Variants in CLDN14 observed in about 807,000 individuals in gnomAD.
The protein encoded by CLDN14 is claudin 14, also known as claudin-14.
In CLDN14, 2 loss-of-function variants were observed where a neutral mutation model predicts 2.1. That is an observed-to-expected ratio of 0.96 (90% CI 0.39 to 3.01). The LOEUF is 3.01. CLDN14 is among the 30% of genes most tolerant of loss of function. The probability of loss-of-function intolerance (pLI) is 0.09; values close to 1 mark genes in which losing one functional copy is unlikely to be tolerated. For synonymous variants in CLDN14, 136 were observed against 154.4 expected, an observed-to-expected ratio of 0.88 and a Z score of 0.88; for missense variants, 298 against 328.0, an observed-to-expected ratio of 0.91 and a Z score of 0.71.
intron 1 of CLDN14, chr21:36,477,507 G>T (rs1314580591): frequency 6.6e-6 from 1 of 152,200 alleles, no homozygotes; most frequent in Non-Finnish European, 1.5e-5. Flanking sequence ...CTAAATCTCA[G>T]TTTTTGTTTC....
At chr21:36,549,155 T>C (rs1224015041) in intron 1 of CLDN14, among the ~76,000 whole-genome samples, 1 of 152,122 alleles carries the variant, frequency 6.6e-6, no homozygotes, top group Non-Finnish European at 1.5e-5. Flanking sequence ...GTTTTTTTTT[T>C]TTTTTAACTT....
chr21:36,489,488 C>G (rs1039658028), intron 2 of CLDN14, among the ~76,000 whole-genome samples: 3 of 152,180 alleles, frequency 2.0e-5, no homozygotes, highest in African/African-American at 7.2e-5. Flanking sequence ...GCAGTGTCCT[C>G]TTCTCCAGGG....
chr21:36,514,645 G>C (rs866263251), intron 1 of CLDN14, among the ~76,000 whole-genome samples: 2 of 149,890 alleles, frequency 1.3e-5, no homozygotes, highest in Admixed American at 6.6e-5. Flanking sequence ...GTGTGTGTGT[G>C]TGTGTGTGTG....
At chr21:36,470,232 G>C (rs899382873) in intron 1 of CLDN14, among the ~76,000 whole-genome samples, 2 of 152,126 alleles carry the variant, frequency 1.3e-5, no homozygotes, top group African/African-American at 4.8e-5. Flanking sequence ...CAGTGCCTCA[G>C]AATGTGACCT....
chr21:36,525,961 G>A (rs1202569717), intron 1 of CLDN14, among the ~76,000 whole-genome samples: 6 of 152,266 alleles, frequency 3.9e-5, no homozygotes, highest in Non-Finnish European at 5.9e-5. Flanking sequence ...AGAGGGAAGC[G>A]GCACGATGAA....
chr21:36,533,832 G>T (rs1456783969), intron 1 of CLDN14, among the ~76,000 whole-genome samples: 2 of 152,286 alleles, frequency 1.3e-5, no homozygotes, highest in Admixed American at 6.5e-5. Flanking sequence ...ACACACTGGG[G>T]CCTACCTGGG....
rs34572529 is a variant in CLDN14, at chr21:36,525,390, G to GAA, written c.-219-14892_-219-14891dup. Among the ~76,000 whole-genome samples the GAA allele has an allele frequency of 2.7e-3, 395 of 147,068 alleles. 5 individuals carry two copies. The highest frequency in any genetic ancestry group is 8.4e-3 in the African/African-American group (337 of 39,960). ...GGTGAGTTTCAAGTCAAAGCTAAAT[G>GAA]AAAAAAAAAAGAAATAAAGACTTGA... On this transcript the variant is annotated intron_variant, in intron 1 of 2. Transcript: ENST00000342108.
At chr21:36,571,342 C>T (rs902201497) in intron 1 of CLDN14, among the ~76,000 whole-genome samples, 1 of 152,216 alleles carries the variant, frequency 6.6e-6, no homozygotes, top group Non-Finnish European at 1.5e-5. Context: ...GTGTGGTTAA[C>T]AGTATGTAAG....
chr21:36,511,643 G>T (rs57608004), intron 1 of CLDN14, among the ~76,000 whole-genome samples: 7,105 of 152,100 alleles, frequency 0.047, 559 homozygotes, highest in African/African-American at 0.16. Flanking sequence ...TGAGCCATGT[G>T]TTTCCTTTCT....
At chr21:36,496,436 CAAAAAAAA>C (rs60272055) in intron 2 of CLDN14, among the ~76,000 whole-genome samples, 6 of 95,490 alleles carry the variant, frequency 6.3e-5, no homozygotes, top group Admixed American at 3.5e-4. Context: ...GACCTTGTTT[CAAAAAAAA>C]AAAAAAAAAA....
intron 1 of CLDN14, among the ~76,000 whole-genome samples, chr21:36,543,394 C>T (rs560407824): frequency 2.4e-4 from 37 of 152,194 alleles, no homozygotes; most frequent in Non-Finnish European, 4.0e-4. Context: ...ACATAGTTCC[C>T]GTATGAAGAT....
intron 1 of CLDN14, among the ~76,000 whole-genome samples, chr21:36,522,546 C>T (rs1029724055): frequency 2.0e-5 from 3 of 152,218 alleles, no homozygotes; most frequent in African/African-American, 7.2e-5. Flanking sequence ...TCATGAACCC[C>T]ACACAACCCA....
rs75654954 is a variant in CLDN14 at position 36,544,028 on chromosome 21, G to A, written c.-220+32383C>T. Among the ~76,000 whole-genome samples the A allele has an allele frequency of 4.2e-3, 638 of 152,324 alleles. 8 individuals carry two copies. The highest frequency in any genetic ancestry group is 0.015 in the African/African-American group (609 of 41,570). On this transcript the variant is annotated intron_variant, in intron 1 of 2. Transcript: ENST00000342108. The surrounding 1 kb of genome is among the most constrained non-coding windows in gnomAD (Gnocchi z 4.1). ...GGAAGCCTGTGTCATGGATTCAACC[G>A]TCTGTGCTGAGCCGCACCTGCACTG...
rs915306140 is a variant in CLDN14, at chr21:36,461,316, A to G, written c.380T>C (p.Leu127Pro). The G allele has an allele frequency of 1.2e-6, 2 of 1,613,636 alleles. No individual in the cohort carries two copies. Among genetic ancestry groups the G allele is most frequent in the African/African-American group, 1.3e-5 (1 of 75,066 alleles). Residue 127 changes from leucine to proline, a missense_variant, in exon 2 of 2, where the codon CTG (leucine) becomes CCG (proline). Transcript: ENST00000399135. ...GGCCACCATGCACAGGAGGCCGGCCAGGATGAAGAGGGTGCCGCCGAGGAT... is the reference window on the plus strand; with the variant it reads ...GGCCACCATGCACAGGAGGCCGGCCGGGATGAAGAGGGTGCCGCCGAGGAT... ...FAILGGTLFI[L>P]AGLLCMVAVS...
At chr21:36,489,131 A>AAAAAAAAAAT in intron 2 of CLDN14, among the ~76,000 whole-genome samples, 25 of 62,746 alleles carry the variant, frequency 4.0e-4, no homozygotes, top group African/African-American at 7.6e-4. Flanking sequence ...AAAAAAAAAA[A>AAAAAAAAAAT]ATATATATAT....
rs749515217 is a variant in CLDN14, at chr21:36,461,153, A to G, written c.543T>C (p.Leu181=). ...GTGCCTCGTCCTGGCAGGACAGGCAAAGCAGGGTGCCACCAATGAGCGAGA... is the reference window on the plus strand; with the variant it reads ...GTGCCTCGTCCTGGCAGGACAGGCAGAGCAGGGTGCCACCAATGAGCGAGA... The part of the protein sequence containing the change: ...SSLSLIGGTL[L]CLSCQDEAPY... Residue 181 remains leucine, a synonymous_variant, in exon 2 of 2, where the codon CTT becomes CTC. Transcript: ENST00000399135. The G allele has an allele frequency of 6.2e-7, 1 of 1,613,828 alleles. No individual in the cohort carries two copies. The highest frequency in any genetic ancestry group is 1.7e-5 in the Admixed American group (1 of 60,026).
chr21:36,509,180 G>A lies in CLDN14; in HGVS notation c.-82+1183C>T, dbSNP rs546764036. On this transcript the variant is annotated intron_variant, in intron 2 of 2. Coordinates refer to the CLDN14 transcript ENST00000342108. ...TGCTAGGTTCTGACTCTCTTTGGTTGAGCAGGAGGCGGCCCTAGCGCCACA... is the reference window on the plus strand; with the variant it reads ...TGCTAGGTTCTGACTCTCTTTGGTTAAGCAGGAGGCGGCCCTAGCGCCACA... Among the ~76,000 whole-genome samples the A allele has an allele frequency of 5.3e-5, 8 of 152,366 alleles. No homozygotes were observed. The East Asian group carries it at 1.2e-3, about 22-fold the overall frequency.
intron 1 of CLDN14, among the ~76,000 whole-genome samples, chr21:36,558,190 G>T (rs538618307): frequency 6.6e-6 from 1 of 152,224 alleles, no homozygotes; most frequent in South Asian, 2.1e-4. Flanking sequence ...ATTTACTGTA[G>T]ATTGTAATAT....
intron 1 of CLDN14, among the ~76,000 whole-genome samples, chr21:36,572,028 G>A (rs2146530220): frequency 6.6e-6 from 1 of 152,228 alleles, no homozygotes; most frequent in East Asian, 1.9e-4. Flanking sequence ...ATCTAGCAAC[G>A]GAATTGCCAA....
Sources: gnomAD v4.1 joint callset for allele counts (sites outside exome capture counted in the v4.1 genomes callset) on GRCh38, gnomAD v4.1.1 for gene constraint, Gnocchi (gnomAD v3.1) non-coding constraint, MANE v1.5 for transcripts, NCBI Gene and HGNC (gene_info 2026-07-23, HGNC 2026-07-21) for gene names.